The following TAFA5 variants were observed in gnomAD, a reference collection of about 807,000 sequenced individuals.
TAFA5 encodes chemokine-like protein TAFA-5.
TAFA5 carries 6 observed loss-of-function variants against 15.3 expected under a neutral mutation model. The ratio of observed to expected loss-of-function variants is 0.39; its 90% CI spans 0.21 to 0.77. The LOEUF (loss-of-function observed/expected upper bound fraction) is 0.77. Ranked by LOEUF, TAFA5 falls within the 30% of genes least tolerant of loss-of-function variation. The pLI is 0.41. For missense variants in TAFA5, 161 were observed against 193.1 expected, an observed-to-expected ratio of 0.83 and a Z score of 0.98; for synonymous variants, 103 against 80.7, an observed-to-expected ratio of 1.28 and a Z score of -1.48.
intron 1 of TAFA5, among the ~76,000 whole-genome samples, chr22:48,497,409 TTTC>T (rs1174581495): frequency 2.0e-5 from 3 of 152,038 alleles, no homozygotes; most frequent in African/African-American, 7.2e-5. Context: ...AAAGACGGCA[TTTC>T]CGCCTCAGCG....
At chr22:48,605,420 ATGGTGGTGGTGG>A (rs201199287) in intron 1 of TAFA5, among the ~76,000 whole-genome samples, 3,640 of 113,086 alleles carry the variant, frequency 0.032, 169 homozygotes, top group African/African-American at 0.11. Flanking sequence ...GATGGTGAGG[ATGGTGGTGGTGG>A]TGGTGGTGGT....
intron 1 of TAFA5, chr22:48,544,714 A>G (rs1263443206): frequency 6.4e-6 from 3 of 471,174 alleles, no homozygotes; most frequent in South Asian, 4.6e-5. Flanking sequence ...ATGAGGGTGC[A>G]TGTTGGTCTC....
chr22:48,698,182 G>A (rs1201565318), intron 2 of TAFA5, among the ~76,000 whole-genome samples: 1 of 151,694 alleles, frequency 6.6e-6, no homozygotes, highest in Non-Finnish European at 1.5e-5. Flanking sequence ...GATGATGGTG[G>A]TGATGATGAT....
intron 3 of TAFA5, among the ~76,000 whole-genome samples, chr22:48,718,034 A>G (rs967153912): frequency 6.6e-6 from 1 of 152,210 alleles, no homozygotes; most frequent in African/African-American, 2.4e-5. Flanking sequence ...TCACGAGCCC[A>G]GGTGGGCTGT....
chr22:48,685,814 C>A (rs1175111938), intron 2 of TAFA5, among the ~76,000 whole-genome samples: 2 of 152,140 alleles, frequency 1.3e-5, no homozygotes, highest in Non-Finnish European at 2.9e-5. Context: ...ACACCTGTTG[C>A]CGGCTGCATC....
chr22:48,699,276 C>G (rs1251186707), intron 2 of TAFA5, among the ~76,000 whole-genome samples: 1 of 152,184 alleles, frequency 6.6e-6, no homozygotes, highest in Non-Finnish European at 1.5e-5. Context: ...TGTTGACCTT[C>G]ATTGTTCTGA....
intron 2 of TAFA5, among the ~76,000 whole-genome samples, chr22:48,685,605 C>T (rs1350715053): frequency 1.3e-5 from 2 of 152,064 alleles, no homozygotes. Flanking sequence ...GGGGCCTAAA[C>T]TCCAAAAGGG....
intron 1 of TAFA5, among the ~76,000 whole-genome samples, chr22:48,622,598 A>G (rs1925879312): frequency 6.6e-6 from 1 of 152,216 alleles, no homozygotes; most frequent in South Asian, 2.1e-4. Context: ...GGCTCTGCCA[A>G]GAAGAGGGCT....
At chr22:48,727,478 T>C (rs1204030127) in intron 3 of TAFA5, among the ~76,000 whole-genome samples, 1 of 152,112 alleles carries the variant, frequency 6.6e-6, no homozygotes, top group African/African-American at 2.4e-5. Context: ...AAAATATAAT[T>C]TCAACTAAAC....
At chr22:48,628,603 G>A (rs1014127015) in intron 1 of TAFA5, among the ~76,000 whole-genome samples, 3 of 152,220 alleles carry the variant, frequency 2.0e-5, no homozygotes, top group Admixed American at 6.5e-5. Context: ...CAGGAGAGGC[G>A]ATGCTTGGAC....
intron 1 of TAFA5, among the ~76,000 whole-genome samples, chr22:48,542,095 GATGTGTGTGTGGTGT>G (rs1569018660): frequency 2.3e-5 from 3 of 130,012 alleles, no homozygotes; most frequent in Non-Finnish European, 3.5e-5. Flanking sequence ...GTGCATGTGT[GATGTGTGTGTGGTGT>G]GTGTGTGTGT....
intron 2 of TAFA5, among the ~76,000 whole-genome samples, chr22:48,695,577 G>C (rs1208931822): frequency 6.6e-6 from 1 of 152,190 alleles, no homozygotes; most frequent in Non-Finnish European, 1.5e-5. Context: ...ACTTGTGCCT[G>C]TCTGTCTGTT....
chr22:48,549,383 T>G (rs889128714), intron 1 of TAFA5, among the ~76,000 whole-genome samples: 4 of 152,244 alleles, frequency 2.6e-5, no homozygotes, highest in African/African-American at 9.6e-5. Context: ...CAGCTGGTGG[T>G]CAGCACTGAG....
intron 2 of TAFA5, among the ~76,000 whole-genome samples, chr22:48,682,447 C>T (rs920174793): frequency 6.6e-6 from 1 of 152,218 alleles, no homozygotes; most frequent in African/African-American, 2.4e-5. Context: ...TGATACATAT[C>T]ATCGTGAGCT....
At chr22:48,628,836 A>G (rs529974164) in intron 1 of TAFA5, among the ~76,000 whole-genome samples, 94 of 152,326 alleles carry the variant, frequency 6.2e-4, no homozygotes, top group African/African-American at 2.1e-3. Context: ...GTGTTTGCCA[A>G]TCCTTACGTG....
At chr22:48,697,685 T>C (rs983613899) in intron 2 of TAFA5, among the ~76,000 whole-genome samples, 1 of 151,394 alleles carries the variant, frequency 6.6e-6, no homozygotes, top group African/African-American at 2.4e-5. Flanking sequence ...GATAATGTGA[T>C]GGTGATGATT....
intron 1 of TAFA5, among the ~76,000 whole-genome samples, chr22:48,521,576 C>G (rs557874089): frequency 6.6e-6 from 1 of 152,142 alleles, no homozygotes; most frequent in Admixed American, 6.5e-5. Context: ...AGTGCTGTTT[C>G]CAGGATGGGT....
intron 2 of TAFA5, among the ~76,000 whole-genome samples, chr22:48,678,567 C>T (rs150091705): frequency 7.4e-6 from 1 of 136,004 alleles, no homozygotes; most frequent in African/African-American, 2.7e-5. Flanking sequence ...CGGGGAGCCG[C>T]GTGTGTGACC....
Position 48,550,370 on chromosome 22 carries a change from G to A in TAFA5, c.112+60666G>A, listed in dbSNP as rs1021626511. ...GGCAAGGGCTTCCAGGCTGGCACAT[G>A]GGCCTCTCATGCACCTTTCCCACAG... On this transcript the variant is annotated intron_variant, in intron 1 of 3. Transcript: ENST00000402357. This position sits in a 1 kb window ranked among gnomAD's most constrained non-coding sequence, Gnocchi z 4.1. Among the ~76,000 whole-genome samples, 3 of 152,214 alleles carry A rather than the reference G, an allele frequency of 2.0e-5. No homozygotes were observed. Among genetic ancestry groups the A allele is most frequent in the Non-Finnish European group, 4.4e-5 (3 of 68,040 alleles).
Sources: gnomAD v4.1 joint callset for allele counts (sites outside exome capture counted in the v4.1 genomes callset) on GRCh38, gnomAD v4.1.1 for gene constraint, Gnocchi (gnomAD v3.1) non-coding constraint, MANE v1.5 for transcripts, NCBI Gene and HGNC (gene_info 2026-07-23, HGNC 2026-07-21) for gene names.